The following RUBCNL variants were observed in gnomAD, a reference collection of about 807,000 sequenced individuals.
The protein encoded by RUBCNL is rubicon like autophagy enhancer.
A neutral mutation model predicts 69.5 loss-of-function variants in RUBCNL; 62 were observed. The ratio of observed to expected loss-of-function variants is 0.89; its 90% CI spans 0.73 to 1.10. The LOEUF (loss-of-function observed/expected upper bound fraction) is 1.10, where lower values mean the gene tolerates loss of function less well. Among genes scored for constraint, RUBCNL ranks in the 50% least tolerant of loss-of-function variants. RUBCNL has a pLI of 0.00. For synonymous variants in RUBCNL, 291 were observed against 303.6 expected, an observed-to-expected ratio of 0.96 and a Z score of 0.43; for missense variants, 768 against 798.1, an observed-to-expected ratio of 0.96 and a Z score of 0.45.
At chr13:46,387,763 G>A (rs139014966), upstream of RUBCNL, 3 of 985,670 alleles carry the variant, frequency 3.0e-6, no homozygotes, top group South Asian at 9.4e-5. Context: ...CACTGTCCGC[G>A]TTAGTTTAGC....
chr13:46,335,271 T>TTG lies in RUBCNL; in HGVS notation c.*8113_*8114insCA, dbSNP rs1566533037. 2.1e-5 allele frequency among the ~76,000 whole-genome samples: 3 copies of TTG among 140,320 alleles called. No homozygotes were observed. Among genetic ancestry groups the TTG allele is most frequent in the African/African-American group, 7.8e-5 (3 of 38,416 alleles). 92.1% of individuals were successfully genotyped at this position (140,320 alleles called of 152,430 possible). A position where few individuals can be genotyped will look rare whatever the true frequency, so the allele number is the denominator to read the frequency against. ...TTGTTGTTGTTGTTGTTTTTTTTTTTTTTTTTTTTTTTTTAAGAGACAGGG... is the reference window on the plus strand; with the variant it reads ...TTGTTGTTGTTGTTGTTTTTTTTTTTTGTTTTTTTTTTTTTTAAGAGACAGGG... On this transcript the variant is annotated 3_prime_UTR_variant, in exon 15 of 15. Coordinates refer to ENST00000429979, the MANE Select transcript of RUBCNL (RefSeq NM_025113.5).
At chr13:46,386,908 C>G (rs17068102) in intron 1 of RUBCNL, among the ~76,000 whole-genome samples, 15,587 of 152,152 alleles carry the variant, frequency 0.1, 989 homozygotes, top group Non-Finnish European at 0.14. Context: ...CAAAGTCAAC[C>G]GGATAGAAAT....
intron 10 of RUBCNL, among the ~76,000 whole-genome samples, chr13:46,352,587 C>T (rs1392612985): frequency 6.6e-6 from 1 of 151,638 alleles, no homozygotes; most frequent in African/African-American, 2.4e-5. Context: ...GGCAGATCAC[C>T]TGAGGTTGGG....
In RUBCNL at chr13:46,335,242, TTTG is replaced by T. The variant is rs796529048; in HGVS notation, c.*8140_*8142del. ...ATTGTGCCCAGCTAATTTGTGTCTT[TTTG>T]TTGTTGTTGTTGTTGTTTTTTTTTT... On this transcript the variant is annotated 3_prime_UTR_variant, in exon 15 of 15. Transcript: ENST00000429979. 6.9e-4 allele frequency among the ~76,000 whole-genome samples: 98 copies of T among 142,154 alleles called. 1 individual carries two copies. The South Asian group carries it at 0.011, about 15-fold the overall frequency. The allele number at this position is 142,154 out of a possible 152,430, so 93.3% of individuals were successfully genotyped here.
At chr13:46,358,272 G>A (rs1011506347) in intron 9 of RUBCNL, among the ~76,000 whole-genome samples, 2 of 152,170 alleles carry the variant, frequency 1.3e-5, no homozygotes, top group African/African-American at 4.8e-5. Context: ...CCAGTCCCTT[G>A]GGCACAGTCA....
rs1285702849 is a variant in RUBCNL, at chr13:46,342,171, T to G, written c.*1214A>C. ...AAAAGAGATTGACAGAAGTCATTCA[T>G]TTCTTTCATGTGCTCAGTACTATCC... On this transcript the variant is annotated 3_prime_UTR_variant, in exon 15 of 15. Transcript: ENST00000429979. The G allele has an allele frequency of 6.6e-6, 1 of 152,254 alleles. No homozygotes were observed. The highest frequency in any genetic ancestry group is 1.9e-4 in the East Asian group (1 of 5,198). The allele number at this position is 152,254 out of a possible 1,614,324, so 9.4% of individuals were successfully genotyped here.
intron 3 of RUBCNL, among the ~76,000 whole-genome samples, chr13:46,371,690 G>A (rs574740943): frequency 5.3e-5 from 8 of 152,298 alleles, no homozygotes; most frequent in South Asian, 2.1e-4. Flanking sequence ...GAAGGCAGAC[G>A]CCAGCTTAAA....
intron 11 of RUBCNL, 114 bp from the exon 12 acceptor site, chr13:46,349,461 C>A: frequency 9.7e-7 from 1 of 1,035,920 alleles, no homozygotes; most frequent in Non-Finnish European, 1.5e-6. Context: ...TTGTATAAAA[C>A]AAACCTTGAA....
At chr13:46,361,637 C>A in intron 7 of RUBCNL, 64 bp from the exon 8 acceptor site, 5 of 1,517,336 alleles carry the variant, frequency 3.3e-6, no homozygotes, top group Non-Finnish European at 4.5e-6. Flanking sequence ...CAGGGTCTTC[C>A]TGAGGTTTTC....
intron 10 of RUBCNL, 152 bp from the exon 11 acceptor site, chr13:46,350,503 G>A: frequency 1.7e-6 from 1 of 599,590 alleles, no homozygotes; most frequent in Admixed American, 3.0e-5. Flanking sequence ...AGCTGGGAAG[G>A]CTCCAGCAGA....
At position 46,345,509 on chromosome 13, in the gene RUBCNL, G is replaced by A. The variant is rs186966871; in HGVS notation, c.1723C>T (p.Leu575=). The A allele has an allele frequency of 1.2e-6, 2 of 1,608,192 alleles. No homozygotes were observed. The highest frequency in any genetic ancestry group is 8.5e-7 in the Non-Finnish European group (1 of 1,177,248). ...LEDLVRIKKG[L]LAPLLKDILK... is the part of the protein sequence containing the mutation. ...ATGTCCTTGAGTAAGGGTGCCAGCA[G>A]CCCTTTCTTGATCCTGACCAGGTCC... The change falls in exon 13 of 15, where the codon CTG becomes TTG. Residue 575 remains leucine, a synonymous_variant. Transcript: ENST00000429979.
At chr13:46,380,635 T>C (rs1004785164) in intron 1 of RUBCNL, among the ~76,000 whole-genome samples, 1 of 152,156 alleles carries the variant, frequency 6.6e-6, no homozygotes, top group African/African-American at 2.4e-5. Flanking sequence ...CTCTGGACAA[T>C]TGTTCACAAA....
chr13:46,348,606 A>ATTTTT (rs386379048), intron 12 of RUBCNL, among the ~76,000 whole-genome samples: 1 of 138,874 alleles, frequency 7.2e-6, no homozygotes, highest in African/African-American at 2.7e-5. Context: ...ACGAGATTTG[A>ATTTTT]TTTTTTTTTT....
chr13:46,358,457 GGTTT>G (rs2048538495), intron 9 of RUBCNL, among the ~76,000 whole-genome samples: 1 of 152,046 alleles, frequency 6.6e-6, no homozygotes, highest in South Asian at 2.1e-4. Context: ...TAAATTTATA[GGTTT>G]ATTTCCTTTT....
chr13:46,368,999 T>C (rs1237036582), intron 3 of RUBCNL, among the ~76,000 whole-genome samples, 184 bp from the exon 4 acceptor site: 1 of 152,214 alleles, frequency 6.6e-6, no homozygotes, highest in Non-Finnish European at 1.5e-5. Context: ...ATTGCTTTAA[T>C]GATGATCATT....
chr13:46,344,780 T>C lies in RUBCNL; in HGVS notation c.1837A>G (p.Ile613Val). 1 of 1,611,970 alleles carries C rather than the reference T, an allele frequency of 6.2e-7. No homozygotes were observed. Among genetic ancestry groups the C allele is most frequent in the Non-Finnish European group, 8.5e-7 (1 of 1,178,918 alleles). ...ICEFCQNTTV[I>V]FPFQTATCRR... Reference sequence around the variant, plus strand: ...CATGTTGCTGTCTGAAATGGGAAGATGACAGTCGTATTCTGGCAAAATTCA... The same window carrying C: ...CATGTTGCTGTCTGAAATGGGAAGACGACAGTCGTATTCTGGCAAAATTCA... The change falls in exon 14 of 15, where the codon ATC (isoleucine) becomes GTC (valine). Residue 613 changes from isoleucine to valine, a missense_variant. Physicochemically the swap from Ile to Val is conservative, Grantham distance 29. Transcript: ENST00000429979.
chr13:46,359,469 C>G lies in RUBCNL; in HGVS notation c.1265+17G>C, dbSNP rs1272987569. 1 of 1,600,562 alleles carries G rather than the reference C, an allele frequency of 6.2e-7. No individual in the cohort carries two copies. Among genetic ancestry groups the G allele is most frequent in the Non-Finnish European group, 8.5e-7 (1 of 1,173,498 alleles). ...GATTTAAATGGATTGGAGGCCCAAG[C>G]AACAGCCCATACTTACTTGAGTGGT... On this transcript the variant is annotated intron_variant, in intron 9 of 14. Coordinates refer to ENST00000429979, the MANE Select transcript of RUBCNL (RefSeq NM_025113.5).
chr13:46,344,931 T>C (rs2048212703), intron 13 of RUBCNL, 100 bp from the exon 14 acceptor site: 6 of 745,948 alleles, frequency 8.0e-6, no homozygotes, highest in East Asian at 5.4e-5. Flanking sequence ...TCAGTGTCTA[T>C]GATTCCAGCC....
At position 46,372,066 on chromosome 13, in the gene RUBCNL, A is replaced by G. The variant is rs1273250337; in HGVS notation, c.410T>C (p.Val137Ala). 6.2e-7 allele frequency: 1 copy of G among 1,613,722 alleles called. No individual in the cohort carries two copies. Among genetic ancestry groups the G allele is most frequent in the Non-Finnish European group, 8.5e-7 (1 of 1,179,868 alleles). The stretch of plus-strand genomic sequence containing the variant: ...CACCCGATGAGAGTATCCTGGGCGG[A>G]CCATGTGTACCTCTGTTGAGGACAG... ...FSLSSTEVHM[V>A]RPGYSHRVSL... Residue 137 changes from valine (V) to alanine (A), a missense_variant, in exon 3 of 15, where the codon GTC (valine) becomes GCC (alanine). Transcript: ENST00000429979.
Sources: allele counts gnomAD v4.1 joint callset (sites outside exome capture counted in the v4.1 genomes callset), GRCh38; gene constraint gnomAD v4.1.1; transcripts MANE v1.5; gene names NCBI Gene and HGNC (gene_info 2026-07-23, HGNC 2026-07-21).